RBM20: variants seen among roughly 807,000 people sequenced by gnomAD.
The protein encoded by RBM20 is RNA-binding protein 20.
RBM20 carries 51 observed loss-of-function variants against 110.1 expected under a neutral mutation model. The observed-to-expected ratio is 0.46, with a 90% confidence interval of 0.37 to 0.59. The LOEUF is 0.59. Ranked by LOEUF, RBM20 falls within the 20% of genes least tolerant of loss-of-function variation. The pLI, the probability that RBM20 is intolerant of heterozygous loss-of-function variation, is 0.00. For synonymous variants in RBM20, 589 were observed against 618.2 expected (o/e 0.95, Z 0.70); for missense variants, 1,512 against 1,574.9 (o/e 0.96, Z 0.68).
chr10:110,645,497 G>A (rs892132657), intron 1 of RBM20, among the ~76,000 whole-genome samples: 1 of 152,240 alleles, frequency 6.6e-6, no homozygotes, highest in African/African-American at 2.4e-5. Flanking sequence ...GAAAGTGAAT[G>A]ATGCGCACCT....
intron 1 of RBM20, among the ~76,000 whole-genome samples, chr10:110,706,663 G>A (rs1044550398): frequency 6.6e-6 from 1 of 152,198 alleles, no homozygotes; most frequent in Non-Finnish European, 1.5e-5. Flanking sequence ...GGAGTGGTGG[G>A]CTGTCTGTCT....
At chr10:110,653,531 ATTT>A (rs55847568) in intron 1 of RBM20, among the ~76,000 whole-genome samples, 3 of 144,228 alleles carry the variant, frequency 2.1e-5, no homozygotes. Context: ...CATATAGCTG[ATTT>A]TTTTTTTTTT....
chr10:110,831,315 G>A (rs1845049262), intron 13 of RBM20, 133 bp downstream of exon 13: 2 of 896,026 alleles, frequency 2.2e-6, no homozygotes, highest in Non-Finnish European at 3.3e-6. Flanking sequence ...CCAGGCCACA[G>A]GTTACTTGCC....
At chr10:110,743,754 C>A (rs1843747182) in intron 1 of RBM20, among the ~76,000 whole-genome samples, 1 of 151,998 alleles carries the variant, frequency 6.6e-6, no homozygotes, top group Non-Finnish European at 1.5e-5. Flanking sequence ...TAGCTGGGAC[C>A]ACAGATGCGC....
chr10:110,683,251 C>T (rs1251762578), intron 1 of RBM20, among the ~76,000 whole-genome samples: 3 of 152,198 alleles, frequency 2.0e-5, no homozygotes, highest in Non-Finnish European at 4.4e-5. Context: ...CCTAATAGGT[C>T]TGAATTTCAT....
chr10:110,734,945 A>G (rs1448676729), intron 1 of RBM20, among the ~76,000 whole-genome samples: 1 of 152,146 alleles, frequency 6.6e-6, no homozygotes, highest in Non-Finnish European at 1.5e-5. Flanking sequence ...GAAATCTCCT[A>G]CTGTCCCACT....
chr10:110,674,876 C>T (rs1347037253), intron 1 of RBM20, among the ~76,000 whole-genome samples: 1 of 152,236 alleles, frequency 6.6e-6, no homozygotes, highest in African/African-American at 2.4e-5. Context: ...TGTGTGCACA[C>T]ACTAGCTCTG....
chr10:110,764,066 G>A (rs1844045294), intron 1 of RBM20, among the ~76,000 whole-genome samples: 1 of 152,160 alleles, frequency 6.6e-6, no homozygotes, highest in Non-Finnish European at 1.5e-5. Context: ...GAAAGGTATT[G>A]CAGTTACCAC....
At position 110,799,864 on chromosome 10, in the gene RBM20, T is replaced by C; in HGVS notation, c.1746T>C (p.Asn582=). Residue 582 remains asparagine (N), a synonymous_variant, in exon 7 of 14, where the codon AAT becomes AAC. Transcript: ENST00000369519. The part of the protein sequence containing the change: ...QYYQEKSAVI[N]GEKLLIRMSK... ...ATCAAGAAAAATCTGCTGTGATCAA[T>C]GGTGAGAAGTTGCTCATTCGGATGT... 1 of 1,552,102 alleles carries C rather than the reference T, an allele frequency of 6.4e-7. No individual in the cohort carries two copies. Among genetic ancestry groups the C allele is most frequent in the Non-Finnish European group, 8.7e-7 (1 of 1,147,012 alleles).
intron 1 of RBM20, among the ~76,000 whole-genome samples, chr10:110,713,454 C>A (rs1054035067): frequency 4.6e-5 from 7 of 152,146 alleles, no homozygotes; most frequent in Non-Finnish European, 1.0e-4. Context: ...ATAACCCTGA[C>A]TAGGATAAAT....
intron 1 of RBM20, among the ~76,000 whole-genome samples, chr10:110,746,011 G>A (rs1486511070): frequency 6.6e-6 from 1 of 152,148 alleles, no homozygotes; most frequent in Non-Finnish European, 1.5e-5. Flanking sequence ...TATTTCTCAT[G>A]ATTCTGTGGG....
chr10:110,737,195 A>AAAAAAC (rs1843681523), intron 1 of RBM20, among the ~76,000 whole-genome samples: 1 of 143,718 alleles, frequency 7.0e-6, no homozygotes, highest in African/African-American at 2.5e-5. Context: ...AAAAAAAAAA[A>AAAAAAC]AACACCCCAC....
chr10:110,822,678 A>T (rs1451243137), intron 11 of RBM20, among the ~76,000 whole-genome samples: 1 of 152,170 alleles, frequency 6.6e-6, no homozygotes, highest in African/African-American at 2.4e-5. Flanking sequence ...AGCACACCAG[A>T]GGTTGAAGTG....
At chr10:110,678,013 G>A (rs1271692782) in intron 1 of RBM20, among the ~76,000 whole-genome samples, 2 of 152,208 alleles carry the variant, frequency 1.3e-5, no homozygotes, top group South Asian at 2.1e-4. Flanking sequence ...GGTGCTGAGT[G>A]ATGAATGGAA....
chr10:110,652,679 G>C (rs914249854), intron 1 of RBM20, among the ~76,000 whole-genome samples: 2 of 152,176 alleles, frequency 1.3e-5, no homozygotes, highest in South Asian at 4.1e-4. Context: ...GAGAAGTCAA[G>C]TGAATTGTTG....
At chr10:110,688,304 T>C (rs528505641) in intron 1 of RBM20, among the ~76,000 whole-genome samples, 3 of 152,308 alleles carry the variant, frequency 2.0e-5, no homozygotes, top group Admixed American at 2.0e-4. Context: ...TAATCTCACA[T>C]AGTGTGACTA....
rs1380179325 is a variant in RBM20 at position 110,780,926 on chromosome 10, CACA to C, written c.318_320del (p.Gln107del). 18 of 1,551,610 alleles carry C rather than the reference CACA, an allele frequency of 1.2e-5. No individual in the cohort carries two copies. In the Admixed American group the frequency reaches 3.3e-4, roughly 29 times the overall value. ...CTCACCCTCCACCGGCTGAAGCTGG[CACA>C]GACAGCTGTCACCAACAACACTGCA... On this transcript the variant is annotated inframe_deletion, in exon 2 of 14. Transcript: ENST00000369519.
At chr10:110,762,899 A>T (rs1844025464) in intron 1 of RBM20, among the ~76,000 whole-genome samples, 1 of 152,192 alleles carries the variant, frequency 6.6e-6, no homozygotes, top group African/African-American at 2.4e-5. Flanking sequence ...TGCTGATTGG[A>T]GTAGAGCCTG....
intron 1 of RBM20, among the ~76,000 whole-genome samples, chr10:110,666,900 G>T (rs1233292848): frequency 1.3e-5 from 2 of 152,204 alleles, no homozygotes. Context: ...ATCAGAGTCG[G>T]TCTTCCTTTG....
Sources: allele counts gnomAD v4.1 joint callset (sites outside exome capture counted in the v4.1 genomes callset), GRCh38; gene constraint gnomAD v4.1.1; transcripts MANE v1.5; gene names NCBI Gene and HGNC (gene_info 2026-07-23, HGNC 2026-07-21).